Variants in ZEB1 observed in about 807,000 individuals in gnomAD.
The protein encoded by ZEB1 is zinc finger E-box binding homeobox 1, also known as zinc finger E-box-binding homeobox 1.
Under a neutral mutation model 84.9 loss-of-function variants are expected in ZEB1, and 21 were observed. The ratio of observed to expected loss-of-function variants is 0.25; its 90% CI spans 0.18 to 0.36. ZEB1 has a LOEUF of 0.36. ZEB1 is among the 10% of genes least tolerant of loss of function. The pLI is 1.00. For synonymous variants in ZEB1, 420 were observed against 471.1 expected, an observed-to-expected ratio of 0.89 and a Z score of 1.41; for missense variants, 1,104 against 1,330.2, an observed-to-expected ratio of 0.83 and a Z score of 2.65.
At chr10:31,368,355 T>C (rs543847950) in intron 1 of ZEB1, among the ~76,000 whole-genome samples, 2 of 151,702 alleles carry the variant, frequency 1.3e-5, no homozygotes, top group East Asian at 1.9e-4. Flanking sequence ...TAGAGTTTCA[T>C]TGTGTCGCCC....
chr10:31,497,925 A>AT (rs1418206003), intron 3 of ZEB1, among the ~76,000 whole-genome samples: 1 of 12,964 alleles, frequency 7.7e-5, no homozygotes, highest in Non-Finnish European at 1.4e-4. Context: ...GGATGGAAAA[A>AT]TAGATAGATA....
intron 1 of ZEB1, among the ~76,000 whole-genome samples, chr10:31,446,746 G>A (rs1466163723): frequency 1.3e-5 from 2 of 151,600 alleles, no homozygotes; most frequent in Non-Finnish European, 3.0e-5. Flanking sequence ...TTAATCCTGA[G>A]TTCTAGTTTG....
intron 3 of ZEB1, among the ~76,000 whole-genome samples, chr10:31,496,372 G>T (rs1340166766): frequency 2.6e-5 from 4 of 151,948 alleles, no homozygotes; most frequent in African/African-American, 9.7e-5. Context: ...AGAGTAAAAT[G>T]AAGTTGAATT....
chr10:31,472,888 G>A (rs908676690), intron 2 of ZEB1, among the ~76,000 whole-genome samples: 13 of 126,682 alleles, frequency 1.0e-4, no homozygotes, highest in Non-Finnish European at 1.6e-4. Context: ...TCCCTGGGAT[G>A]CAAGGCTGGT....
chr10:31,319,333 G>A lies in ZEB1; in HGVS notation c.58+41G>A, dbSNP rs1037130175. ...GACCGGGGAGCGGCGGAGTCAGGGG[G>A]AGCTGGGCAGCCGGGGCGCCCCCGG... On this transcript the variant is annotated intron_variant, in intron 1 of 8. Transcript: ENST00000424869. The A allele has an allele frequency of 6.3e-6, 10 of 1,589,768 alleles. No homozygotes were observed. The African/African-American group carries it at 6.7e-5, about 11-fold the overall frequency.
At chr10:31,439,895 T>G (rs1345229480) in intron 1 of ZEB1, among the ~76,000 whole-genome samples, 1 of 152,032 alleles carries the variant, frequency 6.6e-6, no homozygotes, top group Non-Finnish European at 1.5e-5. Context: ...GGATGGGAAG[T>G]CATTAGATGG....
intron 1 of ZEB1, among the ~76,000 whole-genome samples, chr10:31,322,895 A>G (rs2034501030): frequency 6.6e-6 from 1 of 152,126 alleles, no homozygotes; most frequent in African/African-American, 2.4e-5. Flanking sequence ...AGAGGATGCT[A>G]ACAAAAATGA....
At position 31,524,166 on chromosome 10, in the gene ZEB1, T is replaced by C. The variant is rs1007802247; in HGVS notation, c.2785+53T>C. 3.2e-6 allele frequency: 5 copies of C among 1,546,298 alleles called. No individual in the cohort carries two copies. In the Admixed American group the frequency reaches 7.5e-5, roughly 23 times the overall value. On this transcript the variant is annotated intron_variant, in intron 8 of 8. Coordinates refer to ENST00000424869, the MANE Select transcript of ZEB1 (RefSeq NM_001174096.2). ...GTCCATGATATGATATACTGGAAGA[T>C]GCAAAATTAAAAACTAAAGTTTTAG...
intron 2 of ZEB1, among the ~76,000 whole-genome samples, chr10:31,491,729 A>C (rs114004344): frequency 0.016 from 2,471 of 152,008 alleles, 66 homozygotes; most frequent in African/African-American, 0.057. Flanking sequence ...AGCAGACATA[A>C]ACAGTTTGTG....
intron 1 of ZEB1, among the ~76,000 whole-genome samples, chr10:31,437,890 T>C (rs559189930): frequency 6.6e-6 from 1 of 152,352 alleles, no homozygotes; most frequent in African/African-American, 2.4e-5. Context: ...ATCTTATTTT[T>C]CACAACCAGT....
chr10:31,524,779 A>G (rs908623056), intron 8 of ZEB1, among the ~76,000 whole-genome samples: 4 of 152,168 alleles, frequency 2.6e-5, no homozygotes, highest in Admixed American at 1.3e-4. Flanking sequence ...TCATAGGGAG[A>G]CAGGATCTGG....
chr10:31,367,864 G>A (rs986460988), intron 1 of ZEB1, among the ~76,000 whole-genome samples: 6 of 151,870 alleles, frequency 4.0e-5, no homozygotes, highest in Admixed American at 6.6e-5. Flanking sequence ...AAGTAAGCAT[G>A]CACCCAAAAA....
At chr10:31,322,514 G>C (rs1003960222) in intron 1 of ZEB1, among the ~76,000 whole-genome samples, 4 of 152,148 alleles carry the variant, frequency 2.6e-5, no homozygotes, top group Non-Finnish European at 5.9e-5. Context: ...TCTGAAGGTA[G>C]GATATTAAAA....
At chr10:31,503,213 G>A (rs901674334) in intron 4 of ZEB1, among the ~76,000 whole-genome samples, 1 of 151,974 alleles carries the variant, frequency 6.6e-6, no homozygotes, top group African/African-American at 2.4e-5. Flanking sequence ...TTCTAATAAA[G>A]GTTAAACCTT....
intron 1 of ZEB1, among the ~76,000 whole-genome samples, chr10:31,354,152 A>G (rs2041744689): frequency 6.6e-6 from 1 of 152,176 alleles, no homozygotes; most frequent in African/African-American, 2.4e-5. Context: ...CTGTCTGTTC[A>G]GCGTTAGGGG....
chr10:31,402,358 G>A (rs1590877216), intron 1 of ZEB1, among the ~76,000 whole-genome samples: 2 of 152,112 alleles, frequency 1.3e-5, no homozygotes, highest in Non-Finnish European at 2.9e-5. Context: ...ATCCTGAGTG[G>A]CTAAAGAATA....
At chr10:31,427,007 G>C (rs1009811461) in intron 1 of ZEB1, among the ~76,000 whole-genome samples, 2 of 151,770 alleles carry the variant, frequency 1.3e-5, no homozygotes, top group Admixed American at 1.3e-4. Context: ...AAATTATTAA[G>C]AATAGGAAAA....
intron 1 of ZEB1, among the ~76,000 whole-genome samples, chr10:31,344,156 T>C (rs1360304036): frequency 1.3e-5 from 2 of 152,108 alleles, no homozygotes; most frequent in African/African-American, 4.8e-5. Flanking sequence ...TGATCTGGTG[T>C]CTTTGGTTAT....
In ZEB1 at chr10:31,495,850, C is replaced by T. The variant is rs1229975554; in HGVS notation, c.322+12C>T. ...AGCAGGATGTACAGGTACTCTGCTG[C>T]GACTTTCTTTCATACCATAGCCTTT... On this transcript the variant is annotated intron_variant, in intron 3 of 8. Coordinates refer to ENST00000424869, the MANE Select transcript of ZEB1 (RefSeq NM_001174096.2). 9 of 1,612,508 alleles carry T rather than the reference C, an allele frequency of 5.6e-6. No individual in the cohort carries two copies. In the African/African-American group the frequency reaches 6.7e-5, roughly 12 times the overall value.
Sources: gnomAD v4.1 joint callset for allele counts (sites outside exome capture counted in the v4.1 genomes callset) on GRCh38, gnomAD v4.1.1 for gene constraint, MANE v1.5 for transcripts, NCBI Gene and HGNC (gene_info 2026-07-23, HGNC 2026-07-21) for gene names.